ITPR2: variants seen among roughly 807,000 people sequenced by gnomAD.
ITPR2 encodes the protein inositol 1,4,5-trisphosphate receptor type 2, also known as inositol 1,4,5-trisphosphate-gated calcium channel ITPR2.
In ITPR2, 207 loss-of-function variants were observed where a neutral mutation model predicts 317.1. The ratio of observed to expected loss-of-function variants is 0.65; its 90% CI spans 0.58 to 0.73. The LOEUF is 0.73. Ranked by LOEUF, ITPR2 falls within the 30% of genes least tolerant of loss-of-function variation. The pLI is 0.00. For synonymous variants in ITPR2, 1,156 were observed against 1,149.1 expected, an observed-to-expected ratio of 1.01 and a Z score of -0.12; for missense variants, 2,613 against 3,284.0, an observed-to-expected ratio of 0.80 and a Z score of 4.99.
At chr12:26,384,515 G>A (rs1232059237) in intron 55 of ITPR2, among the ~76,000 whole-genome samples, 1 of 152,154 alleles carries the variant, frequency 6.6e-6, no homozygotes, top group Non-Finnish European at 1.5e-5. Context: ...CATGGCTCTG[G>A]AGAAAGCTCT....
chr12:26,568,554 A>C (rs896990428), intron 34 of ITPR2, among the ~76,000 whole-genome samples: 12 of 152,240 alleles, frequency 7.9e-5, no homozygotes, highest in African/African-American at 2.9e-4. Context: ...TTATTATATA[A>C]AAAAATTTTA....
chr12:26,715,902 T>A, intron 6 of ITPR2, 67 bp from the exon 7 acceptor site: 1 of 1,136,506 alleles, frequency 8.8e-7, no homozygotes, highest in South Asian at 1.3e-5. Context: ...AATTATTAGT[T>A]CAACTAGTAA....
chr12:26,538,346 G>GAA (rs111475733), intron 37 of ITPR2, among the ~76,000 whole-genome samples: 23 of 144,100 alleles, frequency 1.6e-4, no homozygotes, highest in East Asian at 1.4e-3. Flanking sequence ...ACACCTTTTT[G>GAA]AAAAAAAAAA....
At chr12:26,811,722 C>T (rs1184045012) in intron 1 of ITPR2, among the ~76,000 whole-genome samples, 6 of 148,040 alleles carry the variant, frequency 4.1e-5, no homozygotes, top group Admixed American at 6.8e-5. Flanking sequence ...GGCGTGGTGG[C>T]GGGTACCTGT....
chr12:26,815,889 C>T lies in ITPR2; in HGVS notation c.92+16801G>A, dbSNP rs571180821. On this transcript the variant is annotated intron_variant, in intron 1 of 56. Transcript: ENST00000381340. ...CAGGTGGATCACGAGGTCAGGAGAT[C>T]GAGACCATCCTGGCTAACACGGTGA... 2.4e-3 allele frequency among the ~76,000 whole-genome samples: 371 copies of T among 151,874 alleles called. 1 individual carries two copies. Among genetic ancestry groups the T allele is most frequent in the African/African-American group, 8.4e-3 (348 of 41,398 alleles).
intron 45 of ITPR2, among the ~76,000 whole-genome samples, chr12:26,474,329 T>G (rs1565546779): frequency 6.6e-6 from 1 of 152,214 alleles, no homozygotes; most frequent in East Asian, 1.9e-4. Flanking sequence ...ACAAAGGAGC[T>G]ATCATAGACA....
intron 55 of ITPR2, among the ~76,000 whole-genome samples, chr12:26,374,416 T>C (rs915850797): frequency 6.6e-6 from 1 of 152,248 alleles, no homozygotes; most frequent in Non-Finnish European, 1.5e-5. Context: ...TAGGACATTA[T>C]AGGTGCTATG....
chr12:26,573,695 G>C (rs1156270753), intron 34 of ITPR2, among the ~76,000 whole-genome samples: 2 of 152,184 alleles, frequency 1.3e-5, no homozygotes, highest in Non-Finnish European at 2.9e-5. Flanking sequence ...CAAACAGAGG[G>C]AATGGCATAT....
chr12:26,561,721 T>C (rs764471347), intron 35 of ITPR2, 41 bp downstream of exon 35: 7 of 1,400,536 alleles, frequency 5.0e-6, no homozygotes, highest in Non-Finnish European at 6.6e-6. Context: ...TTAAAAAATA[T>C]AATTTAGAAA....
intron 37 of ITPR2, among the ~76,000 whole-genome samples, chr12:26,536,878 T>A (rs1944108873): frequency 6.6e-6 from 1 of 152,162 alleles, no homozygotes; most frequent in Non-Finnish European, 1.5e-5. Flanking sequence ...GGTCTTAACT[T>A]CAAAGGAGCT....
chr12:26,467,357 ATCTC>A (rs914674592), intron 45 of ITPR2, among the ~76,000 whole-genome samples: 25 of 150,450 alleles, frequency 1.7e-4, no homozygotes, highest in African/African-American at 5.4e-4. Context: ...CTCTTTCTCT[ATCTC>A]TCTCTCTCTC....
intron 1 of ITPR2, among the ~76,000 whole-genome samples, chr12:26,822,256 T>C (rs543425465): frequency 2.6e-4 from 40 of 152,322 alleles, no homozygotes; most frequent in Non-Finnish European, 5.3e-4. Context: ...ATCTCAGTGA[T>C]AGATAGAACC....
At chr12:26,382,758 G>C (rs1939547940) in intron 55 of ITPR2, among the ~76,000 whole-genome samples, 1 of 152,144 alleles carries the variant, frequency 6.6e-6, no homozygotes, top group Admixed American at 6.6e-5. Flanking sequence ...TTATTGGATG[G>C]ATACAAAGAC....
At chr12:26,498,542 T>C (rs551653109) in intron 37 of ITPR2, among the ~76,000 whole-genome samples, 47 of 152,372 alleles carry the variant, frequency 3.1e-4, no homozygotes, top group African/African-American at 1.1e-3. Flanking sequence ...GTTGAAGTTA[T>C]AAGTTGGGGA....
chr12:26,452,952 G>T (rs1460800595), intron 45 of ITPR2, among the ~76,000 whole-genome samples: 2 of 151,848 alleles, frequency 1.3e-5, no homozygotes, highest in Non-Finnish European at 2.9e-5. Context: ...ATCCCAGGAG[G>T]TTTGTATAAT....
rs74072165 is a variant in ITPR2, at chr12:26,448,414, A to C, written c.6343-4764T>G. On this transcript the variant is annotated intron_variant, in intron 45 of 56. Coordinates refer to ENST00000381340, the MANE Select transcript of ITPR2 (RefSeq NM_002223.4). ...CTTAGAAATACTTGTATTCCACAAC[A>C]ATATGAGCCAAAATAGCAGCAATTG... Among the ~76,000 whole-genome samples, 410 of 152,274 alleles carry C rather than the reference A, an allele frequency of 2.7e-3. 1 individual carries two copies. Among genetic ancestry groups the C allele is most frequent in the African/African-American group, 9.4e-3 (390 of 41,580 alleles).
rs937567216 is a variant in ITPR2 at position 26,336,279 on chromosome 12, T to G, written c.*3118A>C. 6.6e-6 allele frequency among the ~76,000 whole-genome samples: 1 copy of G among 152,152 alleles called. No individual in the cohort carries two copies. Among genetic ancestry groups the G allele is most frequent in the African/African-American group, 2.4e-5 (1 of 41,438 alleles). ...GCTAGTGGCTGAGTGTGGGCTATAC[T>G]GCCTTGCTGTTTGCAATGAAACAAT... On this transcript the variant is annotated 3_prime_UTR_variant, in exon 57 of 57. Coordinates refer to ENST00000381340, the MANE Select transcript of ITPR2 (RefSeq NM_002223.4).
Position 26,450,509 on chromosome 12 carries a change from A to AC in ITPR2, c.6343-6860dup, listed in dbSNP as rs1295629128. The stretch of plus-strand genomic sequence containing the variant: ...CCCGAATACTGATGCCAGAATTACT[A>AC]CCCTGTTAGTAGGGTCAGAGTCCTG... On this transcript the variant is annotated intron_variant, in intron 45 of 56. Coordinates refer to ENST00000381340, the MANE Select transcript of ITPR2 (RefSeq NM_002223.4). Among the ~76,000 whole-genome samples the AC allele has an allele frequency of 8.5e-5, 13 of 152,264 alleles. No homozygotes were observed. In the East Asian group the frequency reaches 2.5e-3, roughly 29 times the overall value.
intron 10 of ITPR2, among the ~76,000 whole-genome samples, chr12:26,693,199 T>C (rs1425405479): frequency 6.6e-6 from 1 of 152,244 alleles, no homozygotes; most frequent in Non-Finnish European, 1.5e-5. Context: ...CAGACCCATC[T>C]GTGTTGAATG....
Sources: allele counts gnomAD v4.1 joint callset (sites outside exome capture counted in the v4.1 genomes callset), GRCh38; gene constraint gnomAD v4.1.1; transcripts MANE v1.5; gene names NCBI Gene and HGNC (gene_info 2026-07-23, HGNC 2026-07-21).